Variants in CSMD1 observed in about 807,000 individuals in gnomAD.
The protein encoded by CSMD1 is CUB and Sushi multiple domains 1.
CSMD1 carries 213 observed loss-of-function variants against 417.5 expected under a neutral mutation model. The observed-to-expected ratio is 0.51, with a 90% confidence interval of 0.46 to 0.57. CSMD1 has a LOEUF of 0.57. Ranked by LOEUF, CSMD1 falls within the 20% of genes least tolerant of loss-of-function variation. CSMD1 has a pLI of 0.00. For missense variants in CSMD1, 6,923 were observed against 4,529.7 expected, an observed-to-expected ratio of 1.53 and a Z score of -15.17; for synonymous variants, 2,862 against 1,736.8, an observed-to-expected ratio of 1.65 and a Z score of -16.11.
intron 7 of CSMD1, chr8:3,704,849 G>A (rs1324726913): frequency 6.6e-6 from 1 of 152,244 alleles, no homozygotes; most frequent in South Asian, 2.1e-4. Flanking sequence ...CTGAACTCTT[G>A]CTGATGCCCT....
At chr8:4,330,453 G>A (rs1799804529) in intron 3 of CSMD1, among the ~76,000 whole-genome samples, 1 of 152,012 alleles carries the variant, frequency 6.6e-6, no homozygotes. Flanking sequence ...AACCATGCAT[G>A]TTGGCAGGTG....
chr8:4,431,352 T>C (rs1227273900), intron 2 of CSMD1, among the ~76,000 whole-genome samples: 1 of 152,170 alleles, frequency 6.6e-6, no homozygotes, highest in Non-Finnish European at 1.5e-5. Flanking sequence ...TCTATAAAAT[T>C]GAAACCAATA....
At chr8:3,618,368 A>G (rs1191868085) in intron 7 of CSMD1, among the ~76,000 whole-genome samples, 5 of 152,184 alleles carry the variant, frequency 3.3e-5, no homozygotes, top group Non-Finnish European at 7.3e-5. Flanking sequence ...ATTAAATACA[A>G]ATTCTATTGA....
intron 1 of CSMD1, among the ~76,000 whole-genome samples, chr8:4,854,246 G>A (rs187277246): frequency 6.6e-6 from 1 of 152,180 alleles, no homozygotes; most frequent in Non-Finnish European, 1.5e-5. Context: ...CTCTCTATAA[G>A]TCTTATGTTG....
intron 1 of CSMD1, among the ~76,000 whole-genome samples, chr8:4,738,398 G>C (rs951590795): frequency 2.0e-5 from 3 of 152,234 alleles, no homozygotes; most frequent in East Asian, 1.9e-4. Context: ...TTTTCAAATG[G>C]TGGCAGAAGG....
chr8:4,336,764 G>A (rs192037526), intron 3 of CSMD1, among the ~76,000 whole-genome samples: 5 of 152,178 alleles, frequency 3.3e-5, no homozygotes, highest in African/African-American at 1.2e-4. Context: ...TCCACAATGG[G>A]CAAAGCTGGG....
At chr8:3,768,087 G>C (rs1798383683) in intron 5 of CSMD1, among the ~76,000 whole-genome samples, 2 of 152,082 alleles carry the variant, frequency 1.3e-5, no homozygotes, top group Admixed American at 6.6e-5. Context: ...ATGATTTAGA[G>C]TCATATATTT....
chr8:4,163,552 A>G (rs1181242966), intron 3 of CSMD1, among the ~76,000 whole-genome samples: 1 of 152,174 alleles, frequency 6.6e-6, no homozygotes, highest in Admixed American at 6.5e-5. Context: ...CTACAGCATC[A>G]TTTGGTGTGA....
Position 3,230,207 on chromosome 8 carries a change from T to C in CSMD1, c.4178A>G (p.Asp1393Gly), listed in dbSNP as rs1167620953. 1.9e-6 allele frequency: 3 copies of C among 1,603,048 alleles called. No individual in the cohort carries two copies. Among genetic ancestry groups the C allele is most frequent in the African/African-American group, 2.7e-5 (2 of 74,486 alleles). ...FSTSIAATCN[D>G]PGMPQNGTRY... ...GGTGCCATTTTGGGGCATACCTGGA[T>C]CGTTACAGGTGGCTGCAATTGAGGC... Residue 1393 changes from aspartate to glycine, a missense_variant, in exon 27 of 70, where the codon GAT becomes GGT. Physicochemically the swap from Asp to Gly is moderately conservative, Grantham distance 94 (BLOSUM62 -1). Transcript: ENST00000635120.
At chr8:4,787,780 A>T in intron 1 of CSMD1, 1 of 1,573,044 alleles carries the variant, frequency 6.4e-7, no homozygotes, top group Non-Finnish European at 8.7e-7. Context: ...TGGACTTGTT[A>T]CAGGCCAGAC....
chr8:4,365,944 T>C (rs192254151), intron 3 of CSMD1, among the ~76,000 whole-genome samples: 11 of 152,342 alleles, frequency 7.2e-5, no homozygotes, highest in Non-Finnish European at 1.2e-4. Context: ...AAAATGTTTT[T>C]AGGTTCAGGG....
At chr8:4,346,910 A>C (rs117487310) in intron 3 of CSMD1, among the ~76,000 whole-genome samples, 1 of 152,156 alleles carries the variant, frequency 6.6e-6, no homozygotes, top group Non-Finnish European at 1.5e-5. Context: ...CTGGACCTCA[A>C]TCTTTTCCTC....
intron 3 of CSMD1, among the ~76,000 whole-genome samples, chr8:4,226,937 A>G (rs1365714670): frequency 2.6e-5 from 4 of 152,196 alleles, no homozygotes; most frequent in African/African-American, 4.8e-5. Flanking sequence ...TTTTTATTTC[A>G]TAAGGCTGCT....
At chr8:3,846,459 T>C (rs1409500456) in intron 5 of CSMD1, among the ~76,000 whole-genome samples, 4 of 152,176 alleles carry the variant, frequency 2.6e-5, no homozygotes, top group African/African-American at 7.2e-5. Context: ...TTACTCAAAA[T>C]AACCTTCCTC....
chr8:3,801,426 T>C (rs1800454857), intron 5 of CSMD1, among the ~76,000 whole-genome samples: 1 of 152,112 alleles, frequency 6.6e-6, no homozygotes, highest in Admixed American at 6.5e-5. Flanking sequence ...CACAATGAGA[T>C]ACCATTTCAT....
intron 26 of CSMD1, among the ~76,000 whole-genome samples, chr8:3,271,968 C>G (rs1563210053): frequency 6.6e-6 from 1 of 152,016 alleles, no homozygotes; most frequent in African/African-American, 2.4e-5. Flanking sequence ...GCTTTTGTTG[C>G]CTTTGCTTTT....
chr8:4,748,450 A>C (rs1811094779), intron 1 of CSMD1, among the ~76,000 whole-genome samples: 1 of 152,202 alleles, frequency 6.6e-6, no homozygotes, highest in African/African-American at 2.4e-5. Context: ...TTATGACCCA[A>C]GTAAGGGTGA....
intron 37 of CSMD1, among the ~76,000 whole-genome samples, chr8:3,175,995 C>A (rs1031839576): frequency 6.6e-6 from 1 of 152,076 alleles, no homozygotes; most frequent in Non-Finnish European, 1.5e-5. Flanking sequence ...TGAGTTCAAA[C>A]ATACCAATTA....
At chr8:3,302,914 C>G (rs1486725782) in intron 25 of CSMD1, among the ~76,000 whole-genome samples, 3 of 152,152 alleles carry the variant, frequency 2.0e-5, no homozygotes, top group Admixed American at 6.6e-5. Flanking sequence ...TTTCTTTCCT[C>G]TGACTCAGGC....
Sources: gnomAD v4.1 joint callset for allele counts (sites outside exome capture counted in the v4.1 genomes callset) on GRCh38, gnomAD v4.1.1 for gene constraint, MANE v1.5 for transcripts, NCBI Gene and HGNC (gene_info 2026-07-23, HGNC 2026-07-21) for gene names.